The following STEAP2 variants were observed in gnomAD, a reference collection of about 807,000 sequenced individuals.
STEAP2 encodes metalloreductase STEAP2.
A neutral mutation model predicts 46.4 loss-of-function variants in STEAP2; 30 were observed. The ratio of observed to expected loss-of-function variants is 0.65; its 90% CI spans 0.48 to 0.88. The LOEUF (loss-of-function observed/expected upper bound fraction) is 0.88. STEAP2 is among the 40% of genes least tolerant of loss of function. The pLI is 0.00. For synonymous variants in STEAP2, 180 were observed against 200.5 expected, an observed-to-expected ratio of 0.90 and a Z score of 0.86; for missense variants, 513 against 579.3, an observed-to-expected ratio of 0.89 and a Z score of 1.18.
chr7:90,225,271 T>A lies in STEAP2; in HGVS notation c.189T>A (p.Pro63=). The change falls in exon 3 of 6, where the codon CCT becomes CCA. Residue 63 remains proline (P), a synonymous_variant. Transcript: ENST00000394621. ...GYHVVIGSRN[P]KFASEFFPHV... ...ATGTGGTCATAGGAAGTAGAAATCCTAAGTTTGCTTCTGAATTTTTTCCTC... is the reference window on the plus strand; with the variant it reads ...ATGTGGTCATAGGAAGTAGAAATCCAAAGTTTGCTTCTGAATTTTTTCCTC... The A allele has an allele frequency of 6.2e-7, 1 of 1,614,052 alleles. No individual in the cohort carries two copies. The highest frequency in any genetic ancestry group is 8.5e-7 in the Non-Finnish European group (1 of 1,179,976).
chr7:90,225,388 G>A lies in STEAP2; in HGVS notation c.306G>A (p.Trp102Ter). The part of the protein sequence containing the change: ...AIHREHYTSL[W>*]DLRHLLVGKI... Reference sequence around the variant, plus strand: ...ACAGAGAACATTATACCTCCCTGTGGGACCTGAGACATCTGCTTGTGGGTA... The same window carrying A: ...ACAGAGAACATTATACCTCCCTGTGAGACCTGAGACATCTGCTTGTGGGTA... The change falls in exon 3 of 6, where the codon TGG becomes TGA. Residue 102 changes from tryptophan to a stop codon, truncating the protein, a stop_gained. Coordinates refer to ENST00000394621, the MANE Select transcript of STEAP2 (RefSeq NM_001244944.2). LOFTEE classifies it high-confidence loss of function. 6.2e-7 allele frequency: 1 copy of A among 1,613,656 alleles called. No individual in the cohort carries two copies. The highest frequency in any genetic ancestry group is 1.1e-5 in the South Asian group (1 of 91,034).
rs1795965367 is a variant in STEAP2 at position 90,236,517 on chromosome 7, A to G, written c.*3893A>G. 5 of 1,018,818 alleles carry G rather than the reference A, an allele frequency of 4.9e-6. No homozygotes were observed. The African/African-American group carries it at 5.2e-5, about 11-fold the overall frequency. 63.1% of individuals were successfully genotyped at this position (1,018,818 alleles called of 1,614,324 possible). A position where few individuals can be genotyped will look rare whatever the true frequency, so the allele number is the denominator to read the frequency against. ...ACAAATTCTGATGTACATTCAGGAC[A>G]AATGATTAGCCCTAAATGAAACTGT... On this transcript the variant is annotated 3_prime_UTR_variant, in exon 6 of 6. Coordinates refer to ENST00000394621, the MANE Select transcript of STEAP2 (RefSeq NM_001244944.2).
chr7:90,243,285 G>A, the STEAP2 span, among the ~76,000 whole-genome samples: 1 of 152,112 alleles, frequency 6.6e-6, no homozygotes, highest in Non-Finnish European at 1.5e-5. Context: ...TATTTTCATT[G>A]AATTTATATG....
At chr7:90,231,138 A>C (rs1795724434) in intron 5 of STEAP2, among the ~76,000 whole-genome samples, 3 of 151,906 alleles carry the variant, frequency 2.0e-5, no homozygotes, top group Non-Finnish European at 4.4e-5. Context: ...TCTTCAAAGT[A>C]AGCACTCTTA....
At position 90,232,534 on chromosome 7, in the gene STEAP2, TA is replaced by T; in HGVS notation, c.1389del (p.Gly464AlafsTer26). On this transcript the variant is annotated frameshift_variant, in exon 6 of 6. Transcript: ENST00000394621. Reference sequence around the variant, plus strand: ...GTATAAGCCGAAAGCTAAAACGAATTAAAAAAGGCTGGGAAAAGAGCCAATT... The same window carrying T: ...GTATAAGCCGAAAGCTAAAACGAATTAAAAAGGCTGGGAAAAGAGCCAATT... ...PCISRKLKRI[K>X]KGWEKSQFLE... 2.5e-6 allele frequency: 4 copies of T among 1,613,666 alleles called. No homozygotes were observed. The highest frequency in any genetic ancestry group is 3.4e-6 in the Non-Finnish European group (4 of 1,179,678).
intron 2 of STEAP2, among the ~76,000 whole-genome samples, chr7:90,224,550 A>C (rs1045200037): frequency 3.3e-5 from 5 of 152,196 alleles, no homozygotes; most frequent in African/African-American, 1.2e-4. Context: ...TTGCTGTTTA[A>C]CACCACCAGC....
intron 2 of STEAP2, among the ~76,000 whole-genome samples, chr7:90,218,110 G>A (rs886302737): frequency 1.3e-5 from 2 of 151,690 alleles, no homozygotes; most frequent in African/African-American, 2.4e-5. Flanking sequence ...CATTTTTATG[G>A]GATTATGTGT....
chr7:90,225,611 A>G (rs955380338), intron 3 of STEAP2, 37 bp downstream of exon 3: 2 of 1,519,600 alleles, frequency 1.3e-6, no homozygotes, highest in African/African-American at 2.8e-5. Context: ...TGTATCTGGT[A>G]TTTTGTAGTT....
chr7:90,225,426 ATG>A lies in STEAP2; in HGVS notation c.347_348del (p.Val116GlufsTer3). The A allele has an allele frequency of 6.2e-7, 1 of 1,613,860 alleles. No individual in the cohort carries two copies. ...CTGCTTGTGGGTAAAATCCTGATTGATGTGAGCAATAACATGAGGATAAACCA... is the reference window on the plus strand; with the variant it reads ...CTGCTTGTGGGTAAAATCCTGATTGATGAGCAATAACATGAGGATAAACCA... On this transcript the variant is annotated frameshift_variant, in exon 3 of 6. Transcript: ENST00000394621. LOFTEE classifies it high-confidence loss of function.
In STEAP2 at chr7:90,225,262, T is replaced by C; in HGVS notation, c.180T>C (p.Ser60=). 6.2e-7 allele frequency: 1 copy of C among 1,614,060 alleles called. No homozygotes were observed. The highest frequency in any genetic ancestry group is 2.2e-5 in the East Asian group (1 of 44,874). ...GCGGCTATCATGTGGTCATAGGAAG[T>C]AGAAATCCTAAGTTTGCTTCTGAAT... ...IRCGYHVVIG[S]RNPKFASEFF... Residue 60 remains serine, a synonymous_variant, in exon 3 of 6, where the codon AGT becomes AGC. Coordinates refer to ENST00000394621, the MANE Select transcript of STEAP2 (RefSeq NM_001244944.2).
At position 90,234,688 on chromosome 7, in the gene STEAP2, C is replaced by A. The variant is rs1795895314; in HGVS notation, c.*2064C>A. On this transcript the variant is annotated 3_prime_UTR_variant, in exon 6 of 6. Coordinates refer to ENST00000394621, the MANE Select transcript of STEAP2 (RefSeq NM_001244944.2). ...GCCTCAGCCTCCCGAGTAGCTGGGA[C>A]TACAGGTGCCCGCCACCATGCCCGG... The A allele has an allele frequency of 2.2e-6, 1 of 463,168 alleles. No homozygotes were observed. Among genetic ancestry groups the A allele is most frequent in the Non-Finnish European group, 2.8e-6 (1 of 353,254 alleles). The allele number at this position is 463,168 out of a possible 1,614,324, so 28.7% of individuals were successfully genotyped here. A position where few individuals can be genotyped will look rare whatever the true frequency, so the allele number is the denominator to read the frequency against.
Position 90,235,829 on chromosome 7 carries a change from T to C in STEAP2, c.*3205T>C. Reference sequence around the variant, plus strand: ...TCTACATATAAGGTTTTTATTTGAATTGTAAAATATTTAAAAGTATGAATA... The same window carrying C: ...TCTACATATAAGGTTTTTATTTGAACTGTAAAATATTTAAAAGTATGAATA... On this transcript the variant is annotated 3_prime_UTR_variant, in exon 6 of 6. Coordinates refer to ENST00000394621, the MANE Select transcript of STEAP2 (RefSeq NM_001244944.2). 1 of 749,896 alleles carries C rather than the reference T, an allele frequency of 1.3e-6. No homozygotes were observed. Among genetic ancestry groups the C allele is most frequent in the Non-Finnish European group, 1.6e-6 (1 of 615,192 alleles). The allele number at this position is 749,896 out of a possible 1,614,324, so 46.5% of individuals were successfully genotyped here.
chr7:90,233,262 T>C lies in STEAP2; in HGVS notation c.*638T>C, dbSNP rs769644757. On this transcript the variant is annotated 3_prime_UTR_variant, in exon 6 of 6. Transcript: ENST00000394621. ...AAATATATTTGAGACATGAAATACA[T>C]ACTGATAATACATACCTCATGAAAG... is the stretch of plus-strand genomic sequence containing the variant. 3.2e-6 allele frequency: 3 copies of C among 937,016 alleles called. No homozygotes were observed. Among genetic ancestry groups the C allele is most frequent in the Non-Finnish European group, 3.8e-6 (3 of 786,092 alleles). 58.0% of individuals were successfully genotyped at this position (937,016 alleles called of 1,614,324 possible).
chr7:90,225,027 C>T lies in STEAP2; in HGVS notation c.-33-23C>T, dbSNP rs17866063. 7.1e-4 allele frequency: 1,115 copies of T among 1,563,442 alleles called. 11 individuals carry two copies. In the African/African-American group the frequency reaches 0.014, roughly 20 times the overall value. ...ATGTTCAGTAATAGGTAACTGATGA[C>T]CATTTTATTTTCTCTCCCCTAGGAT... is the stretch of plus-strand genomic sequence containing the variant. On this transcript the variant is annotated intron_variant, in intron 2 of 5. Coordinates refer to ENST00000394621, the MANE Select transcript of STEAP2 (RefSeq NM_001244944.2).
At chr7:90,222,103 G>T (rs1469047988) in intron 2 of STEAP2, among the ~76,000 whole-genome samples, 1 of 151,936 alleles carries the variant, frequency 6.6e-6, no homozygotes, top group South Asian at 2.1e-4. Context: ...ATTAACTTTC[G>T]AATGAAGTGA....
At chr7:90,230,727 C>G (rs1167442643) in intron 5 of STEAP2, among the ~76,000 whole-genome samples, 1 of 151,852 alleles carries the variant, frequency 6.6e-6, no homozygotes, top group East Asian at 1.9e-4. Flanking sequence ...AACATAGACC[C>G]TTCCTATATT....
intron 3 of STEAP2, 147 bp downstream of exon 3, chr7:90,225,721 C>G (rs1195738684): frequency 1.0e-6 from 1 of 954,794 alleles, no homozygotes; most frequent in Non-Finnish European, 1.5e-6. Context: ...GATTAATGTC[C>G]TGACCTTGTA....
rs569795774 is a variant in STEAP2 at position 90,233,437 on chromosome 7, A to G, written c.*813A>G. ...TGTATACTAGTTCCTACTTAGAACA[A>G]AAGTATCAAGTTTGCACACAAGTAA... is the stretch of plus-strand genomic sequence containing the variant. On this transcript the variant is annotated 3_prime_UTR_variant, in exon 6 of 6. Transcript: ENST00000394621. The G allele has an allele frequency of 3.9e-4, 382 of 985,422 alleles. 3 individuals are homozygous for G. In the South Asian group the frequency reaches 0.015, roughly 40 times the overall value. The allele number at this position is 985,422 out of a possible 1,614,324, so 61.0% of individuals were successfully genotyped here. A position where few individuals can be genotyped will look rare whatever the true frequency, so the allele number is the denominator to read the frequency against.
intron 4 of STEAP2, among the ~76,000 whole-genome samples, chr7:90,228,515 C>G (rs1024486376): frequency 1.3e-5 from 2 of 152,142 alleles, no homozygotes; most frequent in African/African-American, 4.8e-5. Flanking sequence ...GAGTCCTATG[C>G]TGGATACCAT....
Sources: gnomAD v4.1 joint callset for allele counts (sites outside exome capture counted in the v4.1 genomes callset) on GRCh38, gnomAD v4.1.1 for gene constraint, MANE v1.5 for transcripts, NCBI Gene and HGNC (gene_info 2026-07-23, HGNC 2026-07-21) for gene names.